The following FAM20B variants were observed in gnomAD, a reference collection of about 807,000 sequenced individuals.
FAM20B encodes glycosaminoglycan xylosylkinase.
In FAM20B, 23 loss-of-function variants were observed where a neutral mutation model predicts 43.8. That is an observed-to-expected ratio of 0.53 (90% confidence interval 0.38 to 0.74). FAM20B has a LOEUF of 0.74. Ranked by LOEUF, FAM20B falls within the 30% of genes least tolerant of loss-of-function variation. FAM20B has a pLI of 0.00. For missense variants in FAM20B, 440 were observed against 510.5 expected, an observed-to-expected ratio of 0.86 and a Z score of 1.33; for synonymous variants, 178 against 192.4, an observed-to-expected ratio of 0.93 and a Z score of 0.62.
intron 2 of FAM20B, among the ~76,000 whole-genome samples, chr1:179,048,193 G>A (rs951379241): frequency 6.6e-6 from 1 of 152,132 alleles, no homozygotes; most frequent in African/African-American, 2.4e-5. Context: ...GGGCCTAGAA[G>A]CGCGTAGAAG....
Position 179,074,847 on chromosome 1 carries a change from C to T in FAM20B, c.*2703C>T, listed in dbSNP as rs1000538881. ...AATCTTGGAGAAAACCAACCATAAACTTACAGCTCTAAAATTCAGAAAGCC... is the reference window on the plus strand; with the variant it reads ...AATCTTGGAGAAAACCAACCATAAATTTACAGCTCTAAAATTCAGAAAGCC... On this transcript the variant is annotated 3_prime_UTR_variant, in exon 8 of 8. Transcript: ENST00000263733. The T allele has an allele frequency of 1.3e-5, 2 of 152,166 alleles. No individual in the cohort carries two copies. The highest frequency in any genetic ancestry group is 4.8e-5 in the African/African-American group (2 of 41,440). 9.4% of individuals were successfully genotyped at this position (152,166 alleles called of 1,614,324 possible). A position where few individuals can be genotyped will look rare whatever the true frequency, so the allele number is the denominator to read the frequency against.
chr1:179,019,503 C>G, the FAM20B span, among the ~76,000 whole-genome samples: 1 of 146,432 alleles, frequency 6.8e-6, no homozygotes, highest in African/African-American at 2.6e-5. Flanking sequence ...GCTCTTGTTG[C>G]CCAGGCTGGA....
intron 3 of FAM20B, 76 bp from the exon 4 acceptor site, chr1:179,054,453 C>G: frequency 1.1e-6 from 1 of 879,980 alleles, no homozygotes; most frequent in Non-Finnish European, 1.9e-6. Context: ...ACATGATGAA[C>G]TGTAATTTTT....
At chr1:179,018,272 C>T in the FAM20B span, among the ~76,000 whole-genome samples, 2 of 152,170 alleles carry the variant, frequency 1.3e-5, no homozygotes, top group Non-Finnish European at 2.9e-5. Flanking sequence ...AAGGAACCAG[C>T]TAAACAAACC....
At chr1:179,054,697 A>G (rs1375623124) in intron 4 of FAM20B, 59 bp downstream of exon 4, 2 of 1,047,592 alleles carry the variant, frequency 1.9e-6, no homozygotes, top group Admixed American at 1.8e-5. Context: ...AAAATGGGGC[A>G]TTGTTGAGCA....
At chr1:179,027,504 T>C (rs755346103) in intron 1 of FAM20B, among the ~76,000 whole-genome samples, 1 of 152,256 alleles carries the variant, frequency 6.6e-6, no homozygotes, top group Non-Finnish European at 1.5e-5. Flanking sequence ...TAATAACTTT[T>C]CTAAAGTTTG....
At chr1:179,019,536 C>T in the FAM20B span, among the ~76,000 whole-genome samples, 1 of 150,398 alleles carries the variant, frequency 6.6e-6, no homozygotes, top group Non-Finnish European at 1.5e-5. Context: ...GATCTTGGCT[C>T]ACCGCAACCT....
chr1:179,035,267 C>T (rs1463355479), intron 1 of FAM20B: 7 of 572,140 alleles, frequency 1.2e-5, no homozygotes, highest in Admixed American at 2.4e-5. Context: ...TATTTTTCTC[C>T]AGAGAATGGT....
At chr1:179,038,989 G>T (rs1182680652) in intron 1 of FAM20B, among the ~76,000 whole-genome samples, 3 of 152,214 alleles carry the variant, frequency 2.0e-5, no homozygotes, top group African/African-American at 7.2e-5. Context: ...AGAATACATT[G>T]CTCTGATAAG....
intron 2 of FAM20B, among the ~76,000 whole-genome samples, chr1:179,044,921 A>G (rs985840519): frequency 4.6e-5 from 7 of 152,260 alleles, no homozygotes; most frequent in African/African-American, 7.2e-5. Flanking sequence ...TCTACCAGCA[A>G]TGCATGAGAA....
At chr1:179,041,249 G>A (rs1283020786) in intron 1 of FAM20B, among the ~76,000 whole-genome samples, 1 of 152,198 alleles carries the variant, frequency 6.6e-6, no homozygotes, top group Non-Finnish European at 1.5e-5. Context: ...CTTCCCAGAC[G>A]GGGTGGCGGC....
chr1:179,026,849 T>G (rs1649811562), intron 1 of FAM20B, among the ~76,000 whole-genome samples: 1 of 152,226 alleles, frequency 6.6e-6, no homozygotes, highest in Admixed American at 6.5e-5. Flanking sequence ...TGATAAGAGA[T>G]TCATTCTAAT....
intron 6 of FAM20B, 147 bp downstream of exon 6, chr1:179,064,643 T>G: frequency 3.1e-5 from 19 of 608,416 alleles, no homozygotes; most frequent in East Asian, 5.7e-5. Flanking sequence ...TATTGGTACC[T>G]GTCCTTCTCT....
chr1:179,068,725 C>T (rs566351475), intron 7 of FAM20B, among the ~76,000 whole-genome samples: 5 of 152,140 alleles, frequency 3.3e-5, no homozygotes, highest in African/African-American at 4.8e-5. Context: ...TGAGCCACTG[C>T]GCCCGACCCA....
intron 7 of FAM20B, among the ~76,000 whole-genome samples, chr1:179,070,921 G>T (rs925734624): frequency 9.9e-5 from 15 of 152,042 alleles, no homozygotes; most frequent in Admixed American, 3.9e-4. Context: ...TGTTACAATG[G>T]CAATTTCAAC....
intron 1 of FAM20B, chr1:179,035,292 T>A: frequency 1.6e-6 from 1 of 643,316 alleles, no homozygotes; most frequent in Non-Finnish European, 2.9e-6. Flanking sequence ...CTTCAGTCTT[T>A]AAGGACTCAG....
At chr1:179,030,911 G>C (rs1649985592) in intron 1 of FAM20B, among the ~76,000 whole-genome samples, 1 of 151,408 alleles carries the variant, frequency 6.6e-6, no homozygotes. Context: ...GTGTGTGTTT[G>C]TGTGTGTGTG....
intron 4 of FAM20B, among the ~76,000 whole-genome samples, chr1:179,058,912 GA>G (rs746290356): frequency 9.9e-5 from 15 of 152,206 alleles, no homozygotes; most frequent in Non-Finnish European, 1.8e-4. Flanking sequence ...TAGGTTTCTG[GA>G]TTGGATGACA....
At position 179,044,231 on chromosome 1, in the gene FAM20B, T is replaced by C; in HGVS notation, c.377+7T>C. The C allele has an allele frequency of 6.3e-7, 1 of 1,591,248 alleles. No individual in the cohort carries two copies. The highest frequency in any genetic ancestry group is 1.1e-5 in the South Asian group (1 of 89,264). On this transcript the variant is annotated splice_region_variant and intron_variant, in intron 2 of 7. Coordinates refer to ENST00000263733, the MANE Select transcript of FAM20B (RefSeq NM_014864.4). The stretch of plus-strand genomic sequence containing the variant: ...TTGTTTTCAAACCTAAGCGGTAAGT[T>C]TTGATCTTGGAAGCTGCATGTGCTA...
Sources: gnomAD v4.1 joint callset for allele counts (sites outside exome capture counted in the v4.1 genomes callset) on GRCh38, gnomAD v4.1.1 for gene constraint, MANE v1.5 for transcripts, NCBI Gene and HGNC (gene_info 2026-07-23, HGNC 2026-07-21) for gene names.